The following MPDZ variants were observed in gnomAD, a reference collection of about 807,000 sequenced individuals.
The protein encoded by MPDZ is multiple PDZ domain protein.
Under a neutral mutation model 239.1 loss-of-function variants are expected in MPDZ, and 234 were observed. The observed-to-expected ratio is 0.98, with a 90% CI of 0.88 to 1.09. MPDZ has a LOEUF of 1.09. MPDZ is among the 50% of genes least tolerant of loss of function. The pLI is 0.00. For missense variants in MPDZ, 3,175 were observed against 2,510.0 expected (o/e 1.26, Z -5.66); for synonymous variants, 1,048 against 881.3 (o/e 1.19, Z -3.35).
rs568313346 is a variant in MPDZ, at chr9:13,189,426, T to C, written c.2155-433A>G. On this transcript the variant is annotated intron_variant, in intron 16 of 46. Coordinates refer to ENST00000319217, the MANE Select transcript of MPDZ (RefSeq NM_001378778.1). The stretch of plus-strand genomic sequence containing the variant: ...GCACTGAAGGTAGGACCCATCCTTT[T>C]GAAATGAAAGAATAGAGAGCAAGGC... Among the ~76,000 whole-genome samples, 5 of 152,134 alleles carry C rather than the reference T, an allele frequency of 3.3e-5. No individual in the cohort carries two copies. The East Asian group carries it at 9.7e-4, about 29-fold the overall frequency.
chr9:13,147,691 G>A (rs368090102), intron 25 of MPDZ, 33 bp from the exon 26 acceptor site: 5 of 1,526,508 alleles, frequency 3.3e-6, no homozygotes. Context: ...AACATTTCAA[G>A]AATCTATAGA....
intron 46 of MPDZ, 124 bp downstream of exon 46, chr9:13,108,812 G>A: frequency 1.0e-6 from 1 of 954,542 alleles, no homozygotes; most frequent in Non-Finnish European, 1.4e-6. Context: ...AGGGAGTTTT[G>A]AAAAGAAATG....
At chr9:13,195,934 G>A (rs188783688) in intron 13 of MPDZ, among the ~76,000 whole-genome samples, 187 bp downstream of exon 13, 2 of 152,028 alleles carry the variant, frequency 1.3e-5, no homozygotes, top group Admixed American at 6.6e-5. Flanking sequence ...ATTTCAGTTC[G>A]TTACTATATA....
chr9:13,246,929 G>A (rs1299394380), intron 3 of MPDZ, among the ~76,000 whole-genome samples: 1 of 152,168 alleles, frequency 6.6e-6, no homozygotes, highest in Non-Finnish European at 1.5e-5. Context: ...TAGAAATGGT[G>A]ATTAAATTAA....
intron 29 of MPDZ, 67 bp from the exon 30 acceptor site, chr9:13,136,870 T>C: frequency 1.1e-6 from 1 of 876,382 alleles, no homozygotes. Context: ...TCATCCTTCC[T>C]CATTAATGAA....
At chr9:13,265,918 T>C (rs573306962) in intron 1 of MPDZ, among the ~76,000 whole-genome samples, 73 of 152,284 alleles carry the variant, frequency 4.8e-4, no homozygotes, top group African/African-American at 1.2e-3. Flanking sequence ...TGCTTCAACA[T>C]ACCTCCCCAT....
intron 3 of MPDZ, among the ~76,000 whole-genome samples, chr9:13,231,507 C>T (rs933614775): frequency 3.3e-5 from 5 of 152,124 alleles, no homozygotes; most frequent in African/African-American, 9.6e-5. Context: ...GTGGAGGTTG[C>T]AGTGAGCCAC....
At chr9:13,259,002 T>C (rs1313427239) in intron 1 of MPDZ, among the ~76,000 whole-genome samples, 1 of 147,784 alleles carries the variant, frequency 6.8e-6, no homozygotes, top group Non-Finnish European at 1.5e-5. Flanking sequence ...GGAGAATCGC[T>C]TGAACCCAGG....
chr9:13,226,422 A>G (rs1587944850), intron 3 of MPDZ, among the ~76,000 whole-genome samples: 1 of 151,794 alleles, frequency 6.6e-6, no homozygotes, highest in East Asian at 1.9e-4. Flanking sequence ...TTTTTGAGTC[A>G]CTCTCTGACC....
chr9:13,251,916 A>C (rs943179972), intron 1 of MPDZ, among the ~76,000 whole-genome samples: 4 of 152,204 alleles, frequency 2.6e-5, no homozygotes, highest in African/African-American at 9.7e-5. Context: ...TTGAAACTTA[A>C]ACAGAAGTGT....
chr9:13,259,843 G>A (rs1970268587), intron 1 of MPDZ, among the ~76,000 whole-genome samples: 1 of 151,950 alleles, frequency 6.6e-6, no homozygotes, highest in Non-Finnish European at 1.5e-5. Flanking sequence ...TTTGTTTTTT[G>A]TTTTGTTTGA....
chr9:13,166,958 G>A lies in MPDZ; in HGVS notation c.3254+1408C>T, dbSNP rs150996935. On this transcript the variant is annotated intron_variant, in intron 22 of 46. Transcript: ENST00000319217. ...GCAGTACATTAGAACTGAGTGGTAG[G>A]GCTAGTACCAAGTACTAATTCTGGT... 2.7e-3 allele frequency among the ~76,000 whole-genome samples: 409 copies of A among 152,140 alleles called. 5 individuals are homozygous for A. Among genetic ancestry groups the A allele is most frequent in the African/African-American group, 9.4e-3 (389 of 41,524 alleles).
At chr9:13,250,605 A>G (rs1170443959) in intron 1 of MPDZ, among the ~76,000 whole-genome samples, 2 of 152,196 alleles carry the variant, frequency 1.3e-5, no homozygotes, top group East Asian at 3.9e-4. Flanking sequence ...AAAGACATAA[A>G]TTCTATTTTA....
At chr9:13,264,504 G>A (rs1171035304) in intron 1 of MPDZ, among the ~76,000 whole-genome samples, 2 of 152,116 alleles carry the variant, frequency 1.3e-5, no homozygotes, top group South Asian at 2.1e-4. Context: ...ACAAATCAGT[G>A]GTGTGTCTGG....
chr9:13,245,927 A>T (rs549935047), intron 3 of MPDZ, among the ~76,000 whole-genome samples: 5 of 152,328 alleles, frequency 3.3e-5, no homozygotes, highest in Non-Finnish European at 5.9e-5. Flanking sequence ...ATTTCAAGTT[A>T]TCTCACTGGG....
intron 1 of MPDZ, among the ~76,000 whole-genome samples, chr9:13,275,313 T>C (rs999168067): frequency 2.0e-5 from 3 of 152,128 alleles, no homozygotes; most frequent in African/African-American, 2.4e-5. Flanking sequence ...GGTTCCCTTA[T>C]AAAAAATTAG....
intron 19 of MPDZ, among the ~76,000 whole-genome samples, chr9:13,181,464 G>C (rs1563974505): frequency 6.6e-6 from 1 of 152,118 alleles, no homozygotes; most frequent in Non-Finnish European, 1.5e-5. Flanking sequence ...AAATGTTGCA[G>C]AGATTTTACC....
At chr9:13,212,712 C>T (rs901430138) in intron 10 of MPDZ, among the ~76,000 whole-genome samples, 1 of 150,242 alleles carries the variant, frequency 6.7e-6, no homozygotes, top group East Asian at 2.0e-4. Flanking sequence ...GTGGCTAATA[C>T]CTGTAATCAC....
At chr9:13,150,771 T>C in intron 24 of MPDZ, 83 bp from the exon 25 acceptor site, 1 of 893,232 alleles carries the variant, frequency 1.1e-6, no homozygotes, top group African/African-American at 1.7e-5. Context: ...AATGATTTCT[T>C]ATATATAACA....
Sources: gnomAD v4.1 joint callset for allele counts (sites outside exome capture counted in the v4.1 genomes callset) on GRCh38, gnomAD v4.1.1 for gene constraint, MANE v1.5 for transcripts, NCBI Gene and HGNC (gene_info 2026-07-23, HGNC 2026-07-21) for gene names.